Variants in SPRED1 observed in about 807,000 individuals in gnomAD.
The protein encoded by SPRED1 is sprouty related EVH1 domain containing 1.
Under a neutral mutation model 52.3 loss-of-function variants are expected in SPRED1, and 18 were observed. The ratio of observed to expected loss-of-function variants is 0.34; its 90% CI spans 0.24 to 0.51. The LOEUF (loss-of-function observed/expected upper bound fraction) is 0.51. Ranked by LOEUF, SPRED1 falls within the 20% of genes least tolerant of loss-of-function variation. The probability of loss-of-function intolerance (pLI) is 0.97; values close to 1 mark genes in which losing one functional copy is unlikely to be tolerated. For missense variants in SPRED1, 485 were observed against 551.0 expected (o/e 0.88, Z 1.20); for synonymous variants, 155 against 179.7 (o/e 0.86, Z 1.10).
chr15:38,299,938 T>G (rs1007340882), intron 2 of SPRED1, among the ~76,000 whole-genome samples: 5 of 152,218 alleles, frequency 3.3e-5, no homozygotes, highest in Non-Finnish European at 7.3e-5. Context: ...ATGGTTTTTA[T>G]AGTTTTACAT....
intron 1 of SPRED1, among the ~76,000 whole-genome samples, chr15:38,268,830 T>C (rs9806272): frequency 0.78 from 118,018 of 152,132 alleles, 47,177 homozygotes; most frequent in Non-Finnish European, 0.87. Flanking sequence ...CCATATCATC[T>C]TAGTTGGAGA....
At chr15:38,319,039 TAGAA>T (rs1451921348) in intron 2 of SPRED1, among the ~76,000 whole-genome samples, 4 of 152,148 alleles carry the variant, frequency 2.6e-5, no homozygotes, top group Non-Finnish European at 5.9e-5. Context: ...TTTTGTAAAA[TAGAA>T]GAGGGGGCTA....
At chr15:38,308,957 T>G (rs1357163681) in intron 2 of SPRED1, among the ~76,000 whole-genome samples, 1 of 152,180 alleles carries the variant, frequency 6.6e-6, no homozygotes, top group Admixed American at 6.5e-5. Context: ...TTATGAGCAA[T>G]CCATTTTCTA....
At position 38,355,427 on chromosome 15, in the gene SPRED1, GCTTTTTCTTTT is replaced by G. The variant is rs1192548749; in HGVS notation, c.*3771_*3781del. ...CCATCTGATATCTTGGGTAAGTCTT[GCTTTTTCTTTT>G]CTTTTTCCTCTCCCCTGCCCCCTTA... On this transcript the variant is annotated 3_prime_UTR_variant, in exon 7 of 7. Coordinates refer to ENST00000299084, the MANE Select transcript of SPRED1 (RefSeq NM_152594.3). The G allele has an allele frequency of 6.6e-6, 1 of 152,152 alleles. No homozygotes were observed. Among genetic ancestry groups the G allele is most frequent in the Non-Finnish European group, 1.5e-5 (1 of 68,054 alleles). The allele number at this position is 152,152 out of a possible 1,614,324, so 9.4% of individuals were successfully genotyped here.
chr15:38,330,278 C>T (rs1182378046), intron 4 of SPRED1, among the ~76,000 whole-genome samples: 2 of 152,060 alleles, frequency 1.3e-5, no homozygotes, highest in African/African-American at 4.8e-5. Flanking sequence ...TTTTATATTC[C>T]TTCTATATTA....
chr15:38,334,737 T>C (rs913694371), intron 4 of SPRED1, among the ~76,000 whole-genome samples: 3 of 152,022 alleles, frequency 2.0e-5, no homozygotes, highest in Non-Finnish European at 4.4e-5. Context: ...GGTAGAGCCA[T>C]AAGATATTTT....
chr15:38,341,563 G>A (rs913811603), intron 5 of SPRED1, among the ~76,000 whole-genome samples: 1 of 152,058 alleles, frequency 6.6e-6, no homozygotes, highest in Non-Finnish European at 1.5e-5. Context: ...ATAAAGAAGT[G>A]AACTACCGTA....
intron 4 of SPRED1, among the ~76,000 whole-genome samples, chr15:38,336,060 A>G (rs745409342): frequency 6.6e-6 from 1 of 152,002 alleles, no homozygotes; most frequent in Non-Finnish European, 1.5e-5. Context: ...TGGCTATGAT[A>G]ATACTGTAAA....
At chr15:38,320,969 G>C (rs890610207) in intron 2 of SPRED1, among the ~76,000 whole-genome samples, 1 of 152,146 alleles carries the variant, frequency 6.6e-6, no homozygotes, top group Non-Finnish European at 1.5e-5. Flanking sequence ...TGCTCTAAAA[G>C]GTGTTATTAG....
chr15:38,346,426 C>CCTA (rs1171799292), intron 5 of SPRED1, among the ~76,000 whole-genome samples: 1 of 152,018 alleles, frequency 6.6e-6, no homozygotes, highest in African/African-American at 2.4e-5. Context: ...GGTTCATTTC[C>CCTA]CTGTAGACAA....
intron 1 of SPRED1, among the ~76,000 whole-genome samples, chr15:38,296,821 C>G (rs1187745307): frequency 6.6e-6 from 1 of 152,176 alleles, no homozygotes. Context: ...AATTTAAACT[C>G]CAGTGCAACA....
chr15:38,279,183 A>G (rs1467538071), intron 1 of SPRED1, among the ~76,000 whole-genome samples: 1 of 152,146 alleles, frequency 6.6e-6, no homozygotes, highest in Non-Finnish European at 1.5e-5. Flanking sequence ...GAATCTGTGG[A>G]TGTGGTACCC....
rs66511254 is a variant in SPRED1 at position 38,293,099 on chromosome 15, C to CTTTTTTTTTTTTTTT, written c.33-6269_33-6255dup. Among the ~76,000 whole-genome samples the CTTTTTTTTTTTTTTT allele has an allele frequency of 2.4e-3, 219 of 90,728 alleles. 30 individuals are homozygous for CTTTTTTTTTTTTTTT. Among genetic ancestry groups the CTTTTTTTTTTTTTTT allele is most frequent in the Middle Eastern group, 0.013 (1 of 78 alleles). The allele number at this position is 90,728 out of a possible 152,430, so 59.5% of individuals were successfully genotyped here. ...TTAAGTAATTTACCCAAGATTACAA[C>CTTTTTTTTTTTTTTT]TTTTTTTTTTTTTTTTTTTGAGACG... On this transcript the variant is annotated intron_variant, in intron 1 of 6. Transcript: ENST00000299084.
At chr15:38,295,081 A>G (rs565025303) in intron 1 of SPRED1, among the ~76,000 whole-genome samples, 1 of 152,324 alleles carries the variant, frequency 6.6e-6, no homozygotes, top group South Asian at 2.1e-4. Flanking sequence ...TCTTCTGTCA[A>G]GTAAATCGTG....
At chr15:38,256,721 C>T (rs1394248758) in intron 1 of SPRED1, among the ~76,000 whole-genome samples, 1 of 152,020 alleles carries the variant, frequency 6.6e-6, no homozygotes, top group Non-Finnish European at 1.5e-5. Flanking sequence ...TTTAGTGCCT[C>T]ATAAAAAATA....
intron 3 of SPRED1, among the ~76,000 whole-genome samples, chr15:38,322,882 G>T (rs1895633370): frequency 6.6e-6 from 1 of 152,000 alleles, no homozygotes; most frequent in African/African-American, 2.4e-5. Context: ...GATTGGCAGA[G>T]ACCACAAGCT....
chr15:38,306,379 G>T (rs1895249902), intron 2 of SPRED1, among the ~76,000 whole-genome samples: 1 of 152,124 alleles, frequency 6.6e-6, no homozygotes, highest in African/African-American at 2.4e-5. Context: ...ATAATGGCAG[G>T]AAACGGTTTC....
At chr15:38,288,146 CT>C (rs1418043350) in intron 1 of SPRED1, among the ~76,000 whole-genome samples, 4 of 152,188 alleles carry the variant, frequency 2.6e-5, no homozygotes, top group Admixed American at 2.6e-4. Flanking sequence ...GTTTACCTAC[CT>C]TCAGTCAAAA....
At chr15:38,256,500 C>T (rs966267641) in intron 1 of SPRED1, among the ~76,000 whole-genome samples, 1 of 152,082 alleles carries the variant, frequency 6.6e-6, no homozygotes, top group African/African-American at 2.4e-5. Flanking sequence ...AGTGAAGTAG[C>T]TGAAATAATA....
Sources: allele counts gnomAD v4.1 joint callset (sites outside exome capture counted in the v4.1 genomes callset), GRCh38; gene constraint gnomAD v4.1.1; transcripts MANE v1.5; gene names NCBI Gene and HGNC (gene_info 2026-07-23, HGNC 2026-07-21).